NTRK3: variants seen among roughly 807,000 people sequenced by gnomAD.
NTRK3 encodes neurotrophic receptor tyrosine kinase 3, also known as NT-3 growth factor receptor.
Under a neutral mutation model 91.7 loss-of-function variants are expected in NTRK3, and 24 were observed. The observed-to-expected ratio is 0.26, with a 90% confidence interval of 0.19 to 0.37. NTRK3 has a LOEUF of 0.37. Ranked by LOEUF, NTRK3 falls within the 10% of genes least tolerant of loss-of-function variation. NTRK3 has a pLI of 1.00. For missense variants in NTRK3, 880 were observed against 1,068.9 expected, an observed-to-expected ratio of 0.82 and a Z score of 2.46; for synonymous variants, 483 against 404.0, an observed-to-expected ratio of 1.20 and a Z score of -2.34.
chr15:88,145,055 G>A (rs1474082368), intron 6 of NTRK3, among the ~76,000 whole-genome samples: 1 of 152,056 alleles, frequency 6.6e-6, no homozygotes, highest in African/African-American at 2.4e-5. Context: ...CTTTCTTCCT[G>A]GAAATACACA....
At chr15:88,105,990 G>A (rs1038209172) in intron 13 of NTRK3, among the ~76,000 whole-genome samples, 3 of 152,230 alleles carry the variant, frequency 2.0e-5, no homozygotes, top group South Asian at 2.1e-4. Flanking sequence ...GTGTTCACCC[G>A]TAGTCACTGC....
intron 14 of NTRK3, among the ~76,000 whole-genome samples, chr15:87,955,286 A>G (rs907389239): frequency 1.1e-4 from 17 of 152,244 alleles, no homozygotes; most frequent in African/African-American, 3.9e-4. Flanking sequence ...CACCTGAAGC[A>G]GGAATTTGTC....
At position 88,240,433 on chromosome 15, in the gene NTRK3, C is replaced by A. The variant is rs1567702521; in HGVS notation, c.248+15473G>T. On this transcript the variant is annotated intron_variant, in intron 3 of 18. Transcript: ENST00000394480. The surrounding 1 kb of genome is among the most constrained non-coding windows in gnomAD (Gnocchi z 4.9). ...CAAAAACACCTGTGTCCATGAAACTCAAGGATCTCAAACTCCACTGAGTCC... is the reference window on the plus strand; with the variant it reads ...CAAAAACACCTGTGTCCATGAAACTAAAGGATCTCAAACTCCACTGAGTCC... Among the ~76,000 whole-genome samples the A allele has an allele frequency of 1.3e-5, 2 of 152,152 alleles. No homozygotes were observed. Among genetic ancestry groups the A allele is most frequent in the Non-Finnish European group, 2.9e-5 (2 of 68,026 alleles).
chr15:87,979,564 G>A (rs1287999110), intron 14 of NTRK3: 4 of 762,518 alleles, frequency 5.2e-6, no homozygotes, highest in African/African-American at 1.8e-5. Context: ...TAGAGAGGGA[G>A]CTTGAAAGGG....
intron 13 of NTRK3, among the ~76,000 whole-genome samples, chr15:88,096,259 T>G (rs1056477755): frequency 3.9e-5 from 6 of 152,164 alleles, no homozygotes; most frequent in Non-Finnish European, 8.8e-5. Context: ...CCTCCAGGCC[T>G]TATTACATCC....
chr15:87,977,158 T>C (rs1159244768), intron 14 of NTRK3, among the ~76,000 whole-genome samples: 1 of 152,196 alleles, frequency 6.6e-6, no homozygotes, highest in African/African-American at 2.4e-5. Flanking sequence ...GAAAAAGCAC[T>C]TTACTGTATG....
At chr15:88,091,153 T>TA (rs2048980021) in intron 13 of NTRK3, among the ~76,000 whole-genome samples, 1 of 152,196 alleles carries the variant, frequency 6.6e-6, no homozygotes, top group Admixed American at 6.5e-5. Context: ...CCCGTTTTAC[T>TA]ACCTGCAGCT....
intron 14 of NTRK3, among the ~76,000 whole-genome samples, chr15:87,962,823 C>A (rs1477622200): frequency 6.6e-6 from 1 of 152,194 alleles, no homozygotes; most frequent in Non-Finnish European, 1.5e-5. Context: ...TTGAGAAAGT[C>A]ATGGCATCAC....
intron 15 of NTRK3, among the ~76,000 whole-genome samples, chr15:87,935,764 C>T (rs1005206790): frequency 4.6e-5 from 7 of 152,166 alleles, no homozygotes; most frequent in African/African-American, 1.7e-4. Flanking sequence ...TATTTCTGTT[C>T]TCAGCTCTTG....
chr15:87,921,229 G>A (rs923248025), intron 17 of NTRK3, among the ~76,000 whole-genome samples: 14 of 152,250 alleles, frequency 9.2e-5, no homozygotes, highest in African/African-American at 3.1e-4. Flanking sequence ...GAATGATTAC[G>A]ATATTTCAAA....
chr15:88,115,498 C>G (rs917770029), intron 13 of NTRK3, among the ~76,000 whole-genome samples: 7 of 152,204 alleles, frequency 4.6e-5, no homozygotes, highest in Non-Finnish European at 8.8e-5. Context: ...GGACGCCCTC[C>G]TTGGGGCTTC....
intron 14 of NTRK3, among the ~76,000 whole-genome samples, chr15:87,999,511 G>A (rs2075949237): frequency 6.6e-6 from 1 of 152,178 alleles, no homozygotes; most frequent in South Asian, 2.1e-4. Context: ...GCAATGAAAT[G>A]GGATGTCACT....
chr15:88,140,628 G>A (rs1041607581), intron 6 of NTRK3, among the ~76,000 whole-genome samples: 3 of 152,318 alleles, frequency 2.0e-5, no homozygotes, highest in African/African-American at 7.2e-5. Context: ...GAATACATTA[G>A]CACAAACTCC....
intron 15 of NTRK3, among the ~76,000 whole-genome samples, chr15:87,933,894 G>A (rs925591983): frequency 1.3e-5 from 2 of 152,180 alleles, no homozygotes; most frequent in African/African-American, 4.8e-5. Context: ...GTGCAGGATG[G>A]AAAGGAGCAT....
intron 14 of NTRK3, among the ~76,000 whole-genome samples, chr15:88,008,579 T>C (rs62019233): frequency 0.046 from 7,007 of 152,152 alleles, 239 homozygotes; most frequent in South Asian, 0.1. Context: ...TTACTATCCA[T>C]GGAACTATAT....
At chr15:87,929,836 A>G (rs1394371160) in intron 16 of NTRK3, among the ~76,000 whole-genome samples, 1 of 152,170 alleles carries the variant, frequency 6.6e-6, no homozygotes, top group Non-Finnish European at 1.5e-5. Context: ...TTCCCACCCC[A>G]ATTTTGAAAT....
At chr15:87,883,571 T>C (rs1252650972) in intron 17 of NTRK3, among the ~76,000 whole-genome samples, 1 of 151,254 alleles carries the variant, frequency 6.6e-6, no homozygotes, top group Non-Finnish European at 1.5e-5. Flanking sequence ...TAAGTAGATA[T>C]GAGTGTTGTG....
chr15:87,896,401 G>A (rs11073753), intron 17 of NTRK3, among the ~76,000 whole-genome samples: 84,483 of 150,788 alleles, frequency 0.56, 25,786 homozygotes, highest in Non-Finnish European at 0.69. Flanking sequence ...AACCTGAGAG[G>A]CAGAGGTTGC....
At chr15:88,097,706 A>T (rs1358763204) in intron 13 of NTRK3, among the ~76,000 whole-genome samples, 1 of 152,242 alleles carries the variant, frequency 6.6e-6, no homozygotes, top group African/African-American at 2.4e-5. Flanking sequence ...AAAAGCACGC[A>T]ATCTTTAAAA....
Sources: allele counts gnomAD v4.1 joint callset (sites outside exome capture counted in the v4.1 genomes callset), GRCh38; gene constraint gnomAD v4.1.1; non-coding constraint Gnocchi (gnomAD v3.1); transcripts MANE v1.5; gene names NCBI Gene and HGNC (gene_info 2026-07-23, HGNC 2026-07-21).